Variants in ADGRL3 observed in about 807,000 individuals in gnomAD.
ADGRL3 encodes adhesion G protein-coupled receptor L3, also known as calcium-independent alpha-latrotoxin receptor 3.
Under a neutral mutation model 153.5 loss-of-function variants are expected in ADGRL3, and 62 were observed. That is an observed-to-expected ratio of 0.40 (90% CI 0.33 to 0.50). The LOEUF (loss-of-function observed/expected upper bound fraction) is 0.50, where lower values mean the gene tolerates loss of function less well. ADGRL3 is among the 20% of genes least tolerant of loss of function. The probability of loss-of-function intolerance (pLI) is 0.47; values close to 1 mark genes in which losing one functional copy is unlikely to be tolerated. For missense variants in ADGRL3, 1,641 were observed against 1,859.4 expected, an observed-to-expected ratio of 0.88 and a Z score of 2.16; for synonymous variants, 710 against 672.5, an observed-to-expected ratio of 1.06 and a Z score of -0.86.
intron 6 of ADGRL3, chr4:61,677,278 C>T (rs1354136205): frequency 3.3e-6 from 1 of 301,190 alleles, no homozygotes; most frequent in Non-Finnish European, 6.4e-6. Flanking sequence ...ATGAGCAATA[C>T]AATTTTATAT....
At chr4:61,737,431 G>T (rs973434759) in intron 8 of ADGRL3, among the ~76,000 whole-genome samples, 4 of 152,120 alleles carry the variant, frequency 2.6e-5, no homozygotes, top group Admixed American at 1.3e-4. Context: ...CTTGGTGATG[G>T]TTACACATAG....
intron 9 of ADGRL3, among the ~76,000 whole-genome samples, chr4:61,877,271 T>C (rs958217306): frequency 6.6e-6 from 1 of 152,170 alleles, no homozygotes; most frequent in Non-Finnish European, 1.5e-5. Context: ...AGCATTATGC[T>C]TAGTGAAAAA....
At chr4:61,819,939 C>A (rs1414309221) in intron 9 of ADGRL3, among the ~76,000 whole-genome samples, 1 of 151,930 alleles carries the variant, frequency 6.6e-6, no homozygotes, top group African/African-American at 2.4e-5. Flanking sequence ...CCCCTTCTTC[C>A]CCCTCACCTG....
chr4:61,237,340 G>C (rs1753230646), intron 1 of ADGRL3, among the ~76,000 whole-genome samples: 2 of 152,100 alleles, frequency 1.3e-5, no homozygotes, highest in South Asian at 2.1e-4. Flanking sequence ...CTGGGTTTCT[G>C]TTGGTTGTTT....
intron 9 of ADGRL3, among the ~76,000 whole-genome samples, chr4:61,851,972 G>A (rs1192687990): frequency 1.3e-5 from 2 of 152,050 alleles, no homozygotes; most frequent in Non-Finnish European, 2.9e-5. Context: ...ACGTGTTTAC[G>A]GAGAAAAAAG....
In ADGRL3 at chr4:61,935,684, G is replaced by T. The variant is rs111580470; in HGVS notation, c.2297-239G>T. On this transcript the variant is annotated intron_variant, in intron 14 of 26. Coordinates refer to ENST00000683033, the MANE Select transcript of ADGRL3 (RefSeq NM_001387552.1). ...TGACAATGTATTAGAATTTGGGATT[G>T]AATTTAAATTTTAGGCTTTATTATT... Among the ~76,000 whole-genome samples, 31 of 152,034 alleles carry T rather than the reference G, an allele frequency of 2.0e-4. No individual in the cohort carries two copies. The South Asian group carries it at 2.9e-3, about 14-fold the overall frequency.
At position 61,989,858 on chromosome 4, in the gene ADGRL3, T is replaced by G. The variant is rs1407272421; in HGVS notation, c.3236+6255T>G. On this transcript the variant is annotated intron_variant, in intron 19 of 26. Transcript: ENST00000683033. ...TCATGTATAATATATGATGACTTTG[T>G]CCACTAGGATGGCTACAATAAAAGG... is the stretch of plus-strand genomic sequence containing the variant. Among the ~76,000 whole-genome samples, 5 of 151,988 alleles carry G rather than the reference T, an allele frequency of 3.3e-5. No individual in the cohort carries two copies. The East Asian group carries it at 9.6e-4, about 29-fold the overall frequency.
chr4:61,459,871 G>C (rs1158526299), intron 2 of ADGRL3, among the ~76,000 whole-genome samples: 3 of 152,036 alleles, frequency 2.0e-5, no homozygotes. Flanking sequence ...TAATGTATCT[G>C]TTGGTCATTT....
intron 1 of ADGRL3, among the ~76,000 whole-genome samples, chr4:61,290,796 C>T (rs1213415946): frequency 6.6e-6 from 1 of 151,920 alleles, no homozygotes; most frequent in Non-Finnish European, 1.5e-5. Flanking sequence ...CTTTTATTTA[C>T]AATGTGTTAG....
intron 1 of ADGRL3, among the ~76,000 whole-genome samples, chr4:61,283,879 C>T (rs11131321): frequency 0.044 from 6,728 of 151,952 alleles, 276 homozygotes; most frequent in African/African-American, 0.099. Flanking sequence ...AGGGCGCTGC[C>T]CAAAGTCCCT....
intron 2 of ADGRL3, among the ~76,000 whole-genome samples, chr4:61,453,199 A>T (rs2097695202): frequency 6.6e-6 from 1 of 152,142 alleles, no homozygotes; most frequent in Non-Finnish European, 1.5e-5. Context: ...TTTTTTAGGC[A>T]TTATGTAGTT....
chr4:61,652,535 C>G (rs951278169), intron 5 of ADGRL3, among the ~76,000 whole-genome samples: 3 of 152,080 alleles, frequency 2.0e-5, no homozygotes, highest in Non-Finnish European at 4.4e-5. Flanking sequence ...CCTACATGAC[C>G]TAAAATATTT....
At chr4:61,753,695 T>A (rs1437925397) in intron 8 of ADGRL3, among the ~76,000 whole-genome samples, 1 of 152,214 alleles carries the variant, frequency 6.6e-6, no homozygotes, top group Non-Finnish European at 1.5e-5. Context: ...ATGTTTGAAA[T>A]AATATTGGAA....
chr4:61,400,599 T>C (rs981248593), intron 2 of ADGRL3, among the ~76,000 whole-genome samples: 1 of 151,840 alleles, frequency 6.6e-6, no homozygotes, highest in Non-Finnish European at 1.5e-5. Flanking sequence ...ATTGTGCTGC[T>C]AATTAGAATT....
chr4:61,748,862 G>C (rs910025050), intron 8 of ADGRL3, among the ~76,000 whole-genome samples: 19 of 151,392 alleles, frequency 1.3e-4, no homozygotes, highest in African/African-American at 4.6e-4. Flanking sequence ...TGACAAATGG[G>C]ATCTAATTAA....
At chr4:61,979,219 A>G (rs1167438443) in intron 17 of ADGRL3, among the ~76,000 whole-genome samples, 1 of 152,204 alleles carries the variant, frequency 6.6e-6, no homozygotes, top group Non-Finnish European at 1.5e-5. Flanking sequence ...TTAGTCTAAA[A>G]AAGTGATATA....
intron 5 of ADGRL3, among the ~76,000 whole-genome samples, chr4:61,649,912 G>A (rs2150365341): frequency 6.6e-6 from 1 of 152,232 alleles, no homozygotes; most frequent in East Asian, 1.9e-4. Flanking sequence ...TATTTTAGGA[G>A]GGAATTGTGA....
rs566985586 is a variant in ADGRL3 at position 61,646,159 on chromosome 4, T to C, written c.474-30667T>C. Among the ~76,000 whole-genome samples the C allele has an allele frequency of 3.5e-3, 532 of 152,100 alleles. 2 individuals are homozygous for C. Among genetic ancestry groups the C allele is most frequent in the Non-Finnish European group, 6.3e-3 (428 of 67,934 alleles). On this transcript the variant is annotated intron_variant, in intron 5 of 26. Coordinates refer to ENST00000683033, the MANE Select transcript of ADGRL3 (RefSeq NM_001387552.1). ...ATCAGCTCCTTTAAGCACTTCTCTG[T>C]ATTGGTTATTCTAGTTATACATTCT...
chr4:61,310,899 A>G (rs1463413306), intron 1 of ADGRL3, among the ~76,000 whole-genome samples: 1 of 152,084 alleles, frequency 6.6e-6, no homozygotes, highest in Non-Finnish European at 1.5e-5. Flanking sequence ...AGTTAGAAAG[A>G]GTGGAATGGA....
Sources: allele counts gnomAD v4.1 joint callset (sites outside exome capture counted in the v4.1 genomes callset), GRCh38; gene constraint gnomAD v4.1.1; transcripts MANE v1.5; gene names NCBI Gene and HGNC (gene_info 2026-07-23, HGNC 2026-07-21).